Variants in CTNND2 observed in about 807,000 individuals in gnomAD.
The protein encoded by CTNND2 is catenin delta 2, also known as catenin delta-2.
Under a neutral mutation model 144.4 loss-of-function variants are expected in CTNND2, and 22 were observed. That is an observed-to-expected ratio of 0.15 (90% CI 0.11 to 0.22). The LOEUF (loss-of-function observed/expected upper bound fraction) is 0.22. Ranked by LOEUF, CTNND2 falls within the 10% of genes least tolerant of loss-of-function variation. The pLI, the probability that CTNND2 is intolerant of heterozygous loss-of-function variation, is 1.00. For synonymous variants in CTNND2, 751 were observed against 695.6 expected, an observed-to-expected ratio of 1.08 and a Z score of -1.25; for missense variants, 1,353 against 1,618.8, an observed-to-expected ratio of 0.84 and a Z score of 2.82.
At chr5:11,321,970 A>G (rs1005528249) in intron 9 of CTNND2, among the ~76,000 whole-genome samples, 3 of 152,198 alleles carry the variant, frequency 2.0e-5, no homozygotes, top group African/African-American at 7.2e-5. Flanking sequence ...AGCCCCCAGA[A>G]AAATGGAAAG....
rs577691691 is a variant in CTNND2, at chr5:11,240,484, AAC to A, written c.1629-3663_1629-3662del. Reference sequence around the variant, plus strand: ...CAACACACACACTCACATACACTCAAACACACACCCAACACACACACCCAACA... The same window carrying A: ...CAACACACACACTCACATACACTCAAACACACCCAACACACACACCCAACA... On this transcript the variant is annotated intron_variant, in intron 9 of 21. Transcript: ENST00000304623. Among the ~76,000 whole-genome samples, 10 of 97,462 alleles carry A rather than the reference AAC, an allele frequency of 1.0e-4. No individual in the cohort carries two copies. In the East Asian group the frequency reaches 2.5e-3, roughly 24 times the overall value. 63.9% of individuals were successfully genotyped at this position (97,462 alleles called of 152,430 possible).
intron 2 of CTNND2, among the ~76,000 whole-genome samples, chr5:11,593,344 G>A (rs1244754687): frequency 6.6e-6 from 1 of 152,184 alleles, no homozygotes; most frequent in African/African-American, 2.4e-5. Context: ...GAAATGCAAT[G>A]TAATATGACA....
intron 1 of CTNND2, among the ~76,000 whole-genome samples, chr5:11,827,742 T>C (rs541355930): frequency 1.2e-4 from 19 of 152,288 alleles, no homozygotes; most frequent in African/African-American, 3.8e-4. Flanking sequence ...TCAAGGGGAA[T>C]TGCACAACAA....
chr5:11,394,318 A>G (rs1208928371), intron 6 of CTNND2, among the ~76,000 whole-genome samples: 1 of 152,218 alleles, frequency 6.6e-6, no homozygotes, highest in African/African-American at 2.4e-5. Context: ...ACATGGGCTC[A>G]TGGCATCAAT....
At chr5:11,718,797 T>A (rs1274106939) in intron 2 of CTNND2, among the ~76,000 whole-genome samples, 1 of 152,150 alleles carries the variant, frequency 6.6e-6, no homozygotes, top group Non-Finnish European at 1.5e-5. Flanking sequence ...TTCTGAAAGC[T>A]CATTTATTAT....
intron 3 of CTNND2, among the ~76,000 whole-genome samples, chr5:11,563,934 T>C (rs992734036): frequency 6.6e-6 from 1 of 152,136 alleles, no homozygotes; most frequent in African/African-American, 2.4e-5. Flanking sequence ...TTCTGCAGAG[T>C]GGCTGCTGAC....
intron 3 of CTNND2, among the ~76,000 whole-genome samples, chr5:11,546,355 A>C (rs1775233798): frequency 6.6e-6 from 1 of 152,170 alleles, no homozygotes; most frequent in South Asian, 2.1e-4. Flanking sequence ...AATTCCATTA[A>C]ATAAAAAAGG....
At chr5:11,495,852 C>T (rs1340599011) in intron 3 of CTNND2, among the ~76,000 whole-genome samples, 1 of 152,142 alleles carries the variant, frequency 6.6e-6, no homozygotes, top group Non-Finnish European at 1.5e-5. Context: ...GCCCAATTTC[C>T]CAGCTCCTCT....
intron 2 of CTNND2, among the ~76,000 whole-genome samples, chr5:11,637,370 T>A (rs780825231): frequency 6.6e-6 from 1 of 152,218 alleles, no homozygotes; most frequent in Admixed American, 6.5e-5. Context: ...ACAATGCCAG[T>A]TGAGAAGTTG....
intron 2 of CTNND2, among the ~76,000 whole-genome samples, chr5:11,593,340 C>T (rs879564191): frequency 6.6e-6 from 1 of 152,108 alleles, no homozygotes; most frequent in Non-Finnish European, 1.5e-5. Flanking sequence ...GTCTGAAATG[C>T]AATGTAATAT....
intron 15 of CTNND2, among the ~76,000 whole-genome samples, chr5:11,085,592 C>A (rs1443018752): frequency 6.6e-6 from 1 of 152,108 alleles, no homozygotes; most frequent in Admixed American, 6.5e-5. Flanking sequence ...GACAGAGAAG[C>A]AGCAAACATG....
intron 1 of CTNND2, among the ~76,000 whole-genome samples, chr5:11,748,528 A>G (rs1180218258): frequency 6.6e-6 from 1 of 152,100 alleles, no homozygotes; most frequent in Non-Finnish European, 1.5e-5. Flanking sequence ...ATCAATTCCC[A>G]GCCTTACTTT....
intron 2 of CTNND2, among the ~76,000 whole-genome samples, chr5:11,633,603 C>T (rs1781522019): frequency 6.6e-6 from 1 of 151,900 alleles, no homozygotes; most frequent in Non-Finnish European, 1.5e-5. Context: ...TAGTGAAACC[C>T]CATCTCTACT....
At chr5:11,795,560 G>A (rs1791357061) in intron 1 of CTNND2, among the ~76,000 whole-genome samples, 1 of 152,104 alleles carries the variant, frequency 6.6e-6, no homozygotes, top group Non-Finnish European at 1.5e-5. Flanking sequence ...CATCATCTTG[G>A]TTAAATGTAG....
At chr5:11,364,273 A>C (rs996737080) in intron 8 of CTNND2, among the ~76,000 whole-genome samples, 3 of 152,216 alleles carry the variant, frequency 2.0e-5, no homozygotes, top group Non-Finnish European at 4.4e-5. Flanking sequence ...ATGTTTAGTA[A>C]ATATGTTTTT....
intron 1 of CTNND2, among the ~76,000 whole-genome samples, chr5:11,762,250 C>T (rs1409181442): frequency 2.0e-5 from 3 of 152,064 alleles, no homozygotes; most frequent in Non-Finnish European, 4.4e-5. Context: ...AGTAAGGACT[C>T]GTTGCCCAGA....
At chr5:11,892,590 G>A (rs1178467427) in intron 1 of CTNND2, among the ~76,000 whole-genome samples, 1 of 152,016 alleles carries the variant, frequency 6.6e-6, no homozygotes, top group African/African-American at 2.4e-5. Flanking sequence ...AAAAAGGAAA[G>A]GCAATGGACA....
chr5:11,193,512 G>A (rs1736549455), intron 11 of CTNND2, among the ~76,000 whole-genome samples: 1 of 152,076 alleles, frequency 6.6e-6, no homozygotes, highest in Non-Finnish European at 1.5e-5. Context: ...ACATTATTTG[G>A]AATAAGAAAT....
At chr5:11,524,701 C>A (rs918884782) in intron 3 of CTNND2, among the ~76,000 whole-genome samples, 2 of 152,206 alleles carry the variant, frequency 1.3e-5, no homozygotes, top group African/African-American at 4.8e-5. Flanking sequence ...AAAGTACCTA[C>A]ACACTTTAAC....
Sources: allele counts gnomAD v4.1 joint callset (sites outside exome capture counted in the v4.1 genomes callset), GRCh38; gene constraint gnomAD v4.1.1; transcripts MANE v1.5; gene names NCBI Gene and HGNC (gene_info 2026-07-23, HGNC 2026-07-21).